SDK1: variants seen among roughly 807,000 people sequenced by gnomAD.
SDK1 encodes sidekick cell adhesion molecule 1, also known as protein sidekick-1.
Under a neutral mutation model 245.5 loss-of-function variants are expected in SDK1, and 157 were observed. That is an observed-to-expected ratio of 0.64 (90% CI 0.56 to 0.73). The LOEUF (loss-of-function observed/expected upper bound fraction) is 0.73, where lower values mean the gene tolerates loss of function less well. SDK1 is among the 30% of genes least tolerant of loss of function. The probability of loss-of-function intolerance (pLI) is 0.00; values close to 1 mark genes in which losing one functional copy is unlikely to be tolerated. For synonymous variants in SDK1, 1,647 were observed against 1,278.5 expected (o/e 1.29, Z -6.15); for missense variants, 3,583 against 3,002.3 (o/e 1.19, Z -4.52).
At chr7:4,040,678 A>C (rs1258001357) in intron 17 of SDK1, among the ~76,000 whole-genome samples, 1 of 152,188 alleles carries the variant, frequency 6.6e-6, no homozygotes, top group African/African-American at 2.4e-5. Context: ...TGCCATTTGC[A>C]TAAGGCACAA....
chr7:3,368,538 G>C (rs17133260), intron 1 of SDK1, among the ~76,000 whole-genome samples: 15,188 of 152,216 alleles, frequency 0.1, 957 homozygotes, highest in African/African-American at 0.17. Context: ...CGGCACGGAA[G>C]GGTTTGGATC....
intron 4 of SDK1, among the ~76,000 whole-genome samples, chr7:3,814,051 A>G (rs1254706408): frequency 8.2e-6 from 1 of 122,640 alleles, no homozygotes; most frequent in Non-Finnish European, 1.7e-5. Flanking sequence ...ATTTTCTCCC[A>G]TGTTGTAGGT....
chr7:3,681,933 G>A (rs1329624767), intron 4 of SDK1, among the ~76,000 whole-genome samples: 1 of 152,082 alleles, frequency 6.6e-6, no homozygotes, highest in Non-Finnish European at 1.5e-5. Context: ...TCCCTATACT[G>A]TATGTAGCCC....
intron 30 of SDK1, among the ~76,000 whole-genome samples, chr7:4,157,634 G>A (rs559880699): frequency 1.3e-5 from 2 of 152,232 alleles, no homozygotes; most frequent in South Asian, 4.1e-4. Flanking sequence ...GACGGGCTGG[G>A]GGTATTTTTC....
chr7:3,557,392 G>C (rs764251757), intron 1 of SDK1, among the ~76,000 whole-genome samples: 3 of 152,186 alleles, frequency 2.0e-5, no homozygotes, highest in African/African-American at 4.8e-5. Flanking sequence ...GGATGAAATA[G>C]ATAATCTGAA....
At chr7:3,858,952 C>T (rs943004263) in intron 5 of SDK1, among the ~76,000 whole-genome samples, 2 of 149,990 alleles carry the variant, frequency 1.3e-5, no homozygotes, top group Admixed American at 1.3e-4. Context: ...AAGCTCCACC[C>T]ACCAGGTCCA....
intron 1 of SDK1, among the ~76,000 whole-genome samples, chr7:3,386,366 T>C (rs1463432077): frequency 6.6e-6 from 1 of 152,206 alleles, no homozygotes; most frequent in Non-Finnish European, 1.5e-5. Flanking sequence ...GATGTTGCCT[T>C]TAAAAGAGTT....
At chr7:3,377,076 C>CT (rs1781373665) in intron 1 of SDK1, among the ~76,000 whole-genome samples, 1 of 152,196 alleles carries the variant, frequency 6.6e-6, no homozygotes. Flanking sequence ...TTGGCAATTA[C>CT]TTTTGCAAAA....
rs192462595 is a variant in SDK1 at position 4,129,924 on chromosome 7, A to G, written c.3956A>G (p.Lys1319Arg). Residue 1319 changes from lysine (K) to arginine (R), a missense_variant, in exon 27 of 45, where the codon AAA becomes AGA. By Grantham distance (26) the Lys-to-Arg change is conservative. Transcript: ENST00000404826. ...ATACCACAGATCCTGTTCCGGGCCA[A>G]AGACCTGGATCCCGAGCCCAGGAGC... ...ILGYKILFRA[K>R]DLDPEPRSHI... 56 of 1,613,728 alleles carry G rather than the reference A, an allele frequency of 3.5e-5. No homozygotes were observed. In the East Asian group the frequency reaches 1.1e-3, roughly 31 times the overall value.
At chr7:3,352,191 A>G (rs567590446) in intron 1 of SDK1, among the ~76,000 whole-genome samples, 57 of 150,592 alleles carry the variant, frequency 3.8e-4, no homozygotes, top group African/African-American at 1.2e-3. Flanking sequence ...AAAATGGAAA[A>G]ATCTGTCACT....
At chr7:3,992,187 C>G (rs1004552813) in intron 14 of SDK1, among the ~76,000 whole-genome samples, 7 of 152,220 alleles carry the variant, frequency 4.6e-5, no homozygotes, top group Non-Finnish European at 7.3e-5. Flanking sequence ...ATAGCCTCTG[C>G]CCTGACGACA....
chr7:4,080,624 A>C (rs1167642131), intron 22 of SDK1, among the ~76,000 whole-genome samples: 1 of 152,170 alleles, frequency 6.6e-6, no homozygotes, highest in Non-Finnish European at 1.5e-5. Context: ...GGACTGACCC[A>C]CAAATGGGGC....
At chr7:3,632,037 T>C (rs1181239414) in intron 2 of SDK1, among the ~76,000 whole-genome samples, 2 of 152,206 alleles carry the variant, frequency 1.3e-5, no homozygotes, top group Admixed American at 1.3e-4. Flanking sequence ...TCCCCAACTT[T>C]TATGTTCATA....
intron 2 of SDK1, among the ~76,000 whole-genome samples, chr7:3,632,468 C>T (rs985647936): frequency 9.2e-5 from 14 of 152,068 alleles, no homozygotes; most frequent in African/African-American, 1.7e-4. Flanking sequence ...AAAAAGTTAT[C>T]GAAGATTAAC....
At chr7:4,209,736 A>G (rs115874605) in intron 37 of SDK1, among the ~76,000 whole-genome samples, 2,559 of 152,046 alleles carry the variant, frequency 0.017, 75 homozygotes, top group African/African-American at 0.059. Flanking sequence ...TTCATTTTCT[A>G]TTTCCATCTA....
chr7:4,127,216 G>T (rs1784445289), intron 25 of SDK1, among the ~76,000 whole-genome samples, 165 bp from the exon 26 acceptor site: 1 of 152,154 alleles, frequency 6.6e-6, no homozygotes, highest in Non-Finnish European at 1.5e-5. Context: ...ATATTAAAGA[G>T]ATTTACATGT....
At chr7:3,678,216 C>A (rs7807683) in intron 4 of SDK1, among the ~76,000 whole-genome samples, 109,972 of 152,174 alleles carry the variant, frequency 0.72, 40,017 homozygotes, top group East Asian at 0.78. Flanking sequence ...CGTGGAAGAC[C>A]GTTGGTTGCT....
chr7:4,132,218 C>A, intron 27 of SDK1, 107 bp from the exon 28 acceptor site: 1 of 828,256 alleles, frequency 1.2e-6, no homozygotes, highest in Non-Finnish European at 2.0e-6. Flanking sequence ...GACAGTGTAG[C>A]CTGTGGTAGT....
intron 1 of SDK1, among the ~76,000 whole-genome samples, chr7:3,571,095 C>G (rs968904687): frequency 2.6e-5 from 4 of 151,922 alleles, no homozygotes; most frequent in South Asian, 2.1e-4. Flanking sequence ...TAAAATTTGA[C>G]TTTAGTTATG....
Sources: allele counts gnomAD v4.1 joint callset (sites outside exome capture counted in the v4.1 genomes callset), GRCh38; gene constraint gnomAD v4.1.1; transcripts MANE v1.5; gene names NCBI Gene and HGNC (gene_info 2026-07-23, HGNC 2026-07-21).